MGAT4C: variants seen among roughly 807,000 people sequenced by gnomAD.
The protein encoded by MGAT4C is alpha-1,3-mannosyl-glycoprotein 4-beta-N-acetylglucosaminyltransferase C.
Under a neutral mutation model 40.1 loss-of-function variants are expected in MGAT4C, and 19 were observed. That is an observed-to-expected ratio of 0.47 (90% confidence interval 0.33 to 0.70). The LOEUF is 0.70. Ranked by LOEUF, MGAT4C falls within the 30% of genes least tolerant of loss-of-function variation. The pLI, the probability that MGAT4C is intolerant of heterozygous loss-of-function variation, is 0.02. For synonymous variants in MGAT4C, 181 were observed against 187.1 expected (o/e 0.97, Z 0.27); for missense variants, 491 against 563.2 (o/e 0.87, Z 1.30).
intron 1 of MGAT4C, among the ~76,000 whole-genome samples, chr12:86,803,473 C>A (rs1434912546): frequency 1.3e-5 from 2 of 152,044 alleles, no homozygotes; most frequent in Admixed American, 1.3e-4. Flanking sequence ...TCAGAGTGAA[C>A]AGGCAACCTA....
chr12:86,804,586 T>C (rs894552513), intron 1 of MGAT4C, among the ~76,000 whole-genome samples: 1 of 151,968 alleles, frequency 6.6e-6, no homozygotes, highest in African/African-American at 2.4e-5. Flanking sequence ...TAATACCTCA[T>C]ATGCACACAT....
At chr12:86,671,186 A>G (rs890625898) in intron 2 of MGAT4C, among the ~76,000 whole-genome samples, 1 of 152,244 alleles carries the variant, frequency 6.6e-6, no homozygotes, top group African/African-American at 2.4e-5. Flanking sequence ...GATGATTCAG[A>G]CAATTCTCAT....
At chr12:86,456,817 A>C (rs1957517866) in intron 2 of MGAT4C, among the ~76,000 whole-genome samples, 1 of 152,180 alleles carries the variant, frequency 6.6e-6, no homozygotes. Flanking sequence ...CATAAAACTT[A>C]TAGAAATCTT....
chr12:86,643,703 T>G (rs76662917), intron 2 of MGAT4C, among the ~76,000 whole-genome samples: 19,761 of 151,776 alleles, frequency 0.13, 1,986 homozygotes, highest in African/African-American at 0.28. Flanking sequence ...AGATGTGACT[T>G]CTAATGGGTA....
intron 1 of MGAT4C, among the ~76,000 whole-genome samples, chr12:86,835,789 AT>A (rs1443884052): frequency 6.6e-6 from 1 of 151,876 alleles, no homozygotes; most frequent in Non-Finnish European, 1.5e-5. Context: ...TCAATGCATT[AT>A]TTTTATTACT....
upstream of MGAT4C, among the ~76,000 whole-genome samples, chr12:86,260,930 A>G (rs1014240384): frequency 6.6e-6 from 1 of 151,916 alleles, no homozygotes; most frequent in Non-Finnish European, 1.5e-5. Context: ...AAAGCTATAT[A>G]CCTTTTTTTT....
chr12:86,266,458 T>C (rs1952789273), intron 4 of MGAT4C, among the ~76,000 whole-genome samples: 1 of 152,200 alleles, frequency 6.6e-6, no homozygotes, highest in Non-Finnish European at 1.5e-5. Context: ...AGCATATGTT[T>C]AATCATCTTT....
At chr12:86,632,955 T>A (rs1316827652) in intron 2 of MGAT4C, among the ~76,000 whole-genome samples, 1 of 152,058 alleles carries the variant, frequency 6.6e-6, no homozygotes, top group Non-Finnish European at 1.5e-5. Flanking sequence ...GGATTTAATG[T>A]CAAAGGTACA....
At chr12:86,738,841 TC>T (rs1951022359) in intron 1 of MGAT4C, among the ~76,000 whole-genome samples, 1 of 151,078 alleles carries the variant, frequency 6.6e-6, no homozygotes, top group South Asian at 2.1e-4. Context: ...GTCCTGTGAA[TC>T]TCTAAAACTG....
At chr12:86,497,463 G>T (rs954495119) in intron 2 of MGAT4C, among the ~76,000 whole-genome samples, 1 of 151,864 alleles carries the variant, frequency 6.6e-6, no homozygotes, top group Non-Finnish European at 1.5e-5. Context: ...TTGATAAATT[G>T]ATTTAGTGCT....
chr12:86,323,539 C>T (rs1954446725), intron 4 of MGAT4C, among the ~76,000 whole-genome samples: 1 of 151,384 alleles, frequency 6.6e-6, no homozygotes, highest in Non-Finnish European at 1.5e-5. Context: ...GATAATAATA[C>T]AGTTAATTTA....
At chr12:86,690,918 T>C (rs529259306) in intron 2 of MGAT4C, among the ~76,000 whole-genome samples, 1 of 152,346 alleles carries the variant, frequency 6.6e-6, no homozygotes, top group South Asian at 2.1e-4. Flanking sequence ...TTAACCTGTT[T>C]GCATAAGTTT....
chr12:86,326,794 G>C (rs1002824686), intron 4 of MGAT4C, among the ~76,000 whole-genome samples: 1 of 152,052 alleles, frequency 6.6e-6, no homozygotes, highest in Non-Finnish European at 1.5e-5. Flanking sequence ...AATGAAAGCA[G>C]TTAATAAATA....
intron 4 of MGAT4C, among the ~76,000 whole-genome samples, chr12:86,318,736 C>T (rs1954304778): frequency 1.3e-5 from 2 of 151,678 alleles, no homozygotes; most frequent in South Asian, 4.2e-4. Flanking sequence ...AAATATATCC[C>T]TTCTCAGTAT....
At chr12:86,008,997 C>A (rs543692315) in intron 2 of MGAT4C, among the ~76,000 whole-genome samples, 1 of 151,958 alleles carries the variant, frequency 6.6e-6, no homozygotes, top group Non-Finnish European at 1.5e-5. Context: ...GATTTTCTTT[C>A]TGCATTTATG....
chr12:86,824,050 A>G (rs1180953898), intron 1 of MGAT4C, among the ~76,000 whole-genome samples: 1 of 151,354 alleles, frequency 6.6e-6, no homozygotes, highest in East Asian at 2.0e-4. Flanking sequence ...GAAATCTTCC[A>G]CTGTCCTGCA....
intron 1 of MGAT4C, among the ~76,000 whole-genome samples, chr12:86,059,132 C>T (rs1177890616): frequency 1.3e-5 from 2 of 152,150 alleles, no homozygotes; most frequent in South Asian, 2.1e-4. Context: ...GCAACCTCCA[C>T]CTCCCAGGTT....
At chr12:86,292,483 GA>G (rs1290444921) in intron 4 of MGAT4C, among the ~76,000 whole-genome samples, 1 of 151,358 alleles carries the variant, frequency 6.6e-6, no homozygotes, top group Non-Finnish European at 1.5e-5. Context: ...ATTCCATTTG[GA>G]AAACACTGAT....
At chr12:86,191,341 G>A (rs1202207052) in intron 1 of MGAT4C, among the ~76,000 whole-genome samples, 3 of 151,902 alleles carry the variant, frequency 2.0e-5, no homozygotes, top group African/African-American at 7.2e-5. Flanking sequence ...GTGGTGTGAC[G>A]TGGCAAGAAA....
Sources: gnomAD v4.1 joint callset for allele counts (sites outside exome capture counted in the v4.1 genomes callset) on GRCh38, gnomAD v4.1.1 for gene constraint, MANE v1.5 for transcripts, NCBI Gene and HGNC (gene_info 2026-07-23, HGNC 2026-07-21) for gene names.